The following DNAH3 variants were observed in gnomAD, a reference collection of about 807,000 sequenced individuals.
DNAH3 encodes axonemal beta dynein heavy chain 3.
In DNAH3, 332 loss-of-function variants were observed where a neutral mutation model predicts 432.5. The observed-to-expected ratio is 0.77, with a 90% confidence interval of 0.70 to 0.84. The LOEUF is 0.84. Among genes scored for constraint, DNAH3 ranks in the 40% least tolerant of loss-of-function variants. The pLI is 0.00. For missense variants in DNAH3, 4,861 were observed against 5,114.0 expected, an observed-to-expected ratio of 0.95 and a Z score of 1.51; for synonymous variants, 1,956 against 1,900.2, an observed-to-expected ratio of 1.03 and a Z score of -0.76.
At chr16:20,942,220 G>C (rs1397214064) in intron 58 of DNAH3, among the ~76,000 whole-genome samples, 1 of 152,210 alleles carries the variant, frequency 6.6e-6, no homozygotes, top group African/African-American at 2.4e-5. Flanking sequence ...CACAGCCTCT[G>C]ACCCCTGAGG....
intron 51 of DNAH3, among the ~76,000 whole-genome samples, chr16:20,972,060 G>A (rs377522410): frequency 1.3e-5 from 2 of 152,294 alleles, no homozygotes; most frequent in East Asian, 3.9e-4. Flanking sequence ...CAGTGAGTGC[G>A]AGTGGGTGGG....
rs1042623171 is a variant in DNAH3 at position 21,098,697 on chromosome 16, C to T, written c.2439G>A (p.Met813Ile). 2.5e-6 allele frequency: 4 copies of T among 1,613,856 alleles called. No homozygotes were observed. In the African/African-American group the frequency reaches 5.3e-5, roughly 22 times the overall value. ...CATTGTGCTTCATTTCTTCTGTAGT[C>T]ATCACTTCGCGCTTCCTAAAACTTT... Residue 813 changes from methionine (M) to isoleucine (I), a missense_variant, in exon 17 of 62, where the codon ATG becomes ATA. Coordinates refer to ENST00000261383, the Ensembl canonical transcript of DNAH3.
At chr16:21,057,360 C>A (rs1427385078) in intron 27 of DNAH3, among the ~76,000 whole-genome samples, 2 of 152,230 alleles carry the variant, frequency 1.3e-5, no homozygotes, top group Non-Finnish European at 2.9e-5. Flanking sequence ...GTGAGCAGAG[C>A]AGACATAGCT....
chr16:21,075,371 A>G, intron 21 of DNAH3, 76 bp downstream of exon 21: 1 of 1,023,856 alleles, frequency 9.8e-7, no homozygotes, highest in Admixed American at 1.7e-5. Flanking sequence ...GCCATTCTGA[A>G]TGAATCGTTT....
At chr16:20,996,063 G>GTC (rs1408503562) in intron 44 of DNAH3, among the ~76,000 whole-genome samples, 4 of 152,332 alleles carry the variant, frequency 2.6e-5, no homozygotes, top group Admixed American at 2.0e-4. Context: ...TAGCTTTGTT[G>GTC]TAAGTGTTGT....
At chr16:21,093,000 G>A (rs2091582695) in intron 18 of DNAH3, among the ~76,000 whole-genome samples, 1 of 152,164 alleles carries the variant, frequency 6.6e-6, no homozygotes, top group South Asian at 2.1e-4. Flanking sequence ...CTTGAGCCCA[G>A]GAATCTGAGG....
rs576811217 is a variant in DNAH3 at position 20,935,840 on chromosome 16, T to C, written c.11860-355A>G. ...CCTGAGTGACAAGAGTGAAACTTCA[T>C]CTCAAAAAAAAAAAAAAAAGCCCAG... On this transcript the variant is annotated intron_variant, in intron 60 of 61. Coordinates refer to ENST00000261383, the Ensembl canonical transcript of DNAH3. Among the ~76,000 whole-genome samples, 3 of 136,102 alleles carry C rather than the reference T, an allele frequency of 2.2e-5. No individual in the cohort carries two copies. The South Asian group carries it at 7.3e-4, about 33-fold the overall frequency. The allele number at this position is 136,102 out of a possible 152,430, so 89.3% of individuals were successfully genotyped here.
At chr16:20,979,638 G>T in intron 49 of DNAH3, 92 bp from the exon 50 acceptor site, 1 of 1,131,486 alleles carries the variant, frequency 8.8e-7, no homozygotes, top group Non-Finnish European at 1.3e-6. Flanking sequence ...ATATGAGAAG[G>T]CACATACACT....
At chr16:20,977,611 T>C (rs533853043) in intron 50 of DNAH3, among the ~76,000 whole-genome samples, 20 of 152,094 alleles carry the variant, frequency 1.3e-4, no homozygotes, top group Non-Finnish European at 2.8e-4. Context: ...GTTAGGAACA[T>C]AGGTTTTGGA....
chr16:21,131,722 C>T (rs767560181), intron 7 of DNAH3, among the ~76,000 whole-genome samples: 3 of 151,844 alleles, frequency 2.0e-5, no homozygotes, highest in Non-Finnish European at 4.4e-5. Context: ...GGCATGGTGG[C>T]ACATGCCTGT....
intron 29 of DNAH3, among the ~76,000 whole-genome samples, chr16:21,051,306 G>A (rs183774053): frequency 2.1e-4 from 32 of 152,290 alleles, no homozygotes; most frequent in African/African-American, 7.7e-4. Flanking sequence ...AGAGCATAGA[G>A]ACCCCTTGGC....
At chr16:21,107,239 CTTTT>C (rs5816146) in intron 14 of DNAH3, among the ~76,000 whole-genome samples, 3 of 91,296 alleles carry the variant, frequency 3.3e-5, no homozygotes, top group African/African-American at 4.0e-5. Context: ...AATTTTTAAT[CTTTT>C]TTTTTTTTTT....
chr16:20,989,003 G>A (rs1039594789), intron 44 of DNAH3, among the ~76,000 whole-genome samples: 1 of 152,272 alleles, frequency 6.6e-6, no homozygotes, highest in East Asian at 1.9e-4. Flanking sequence ...CGCGGGGAGT[G>A]TTACAGCTCA....
chr16:20,940,453 GT>G (rs567346363), intron 59 of DNAH3, among the ~76,000 whole-genome samples: 2 of 152,018 alleles, frequency 1.3e-5, no homozygotes, highest in Non-Finnish European at 2.9e-5. Flanking sequence ...AAGGGATAGG[GT>G]CTTTCTCTGT....
chr16:21,086,864 G>A, exon 19 of DNAH3: 1 of 1,614,146 alleles, frequency 6.2e-7, no homozygotes, highest in South Asian at 1.1e-5. Context: ...GCCAGTGTCG[G>A]TCTTTCATTC....
At chr16:21,054,452 G>A in exon 28 of DNAH3, 1 of 1,614,150 alleles carries the variant, frequency 6.2e-7, no homozygotes, top group Non-Finnish European at 8.5e-7. Context: ...GGCCCCGAGA[G>A]TGAGTCGAGC....
rs141197402 is a variant in DNAH3 at position 20,965,287 on chromosome 16, T to C, written c.8597A>G (p.His2866Arg). 1,539 of 1,613,442 alleles carry C rather than the reference T, an allele frequency of 9.5e-4. 15 individuals are homozygous for C. In the African/African-American group the frequency reaches 0.017, roughly 18 times the overall value. Residue 2866 changes from histidine (H) to arginine (R), a missense_variant, in exon 53 of 62, where the codon CAC (histidine) becomes CGC (arginine). By Grantham distance (29) the His-to-Arg change is conservative. Transcript: ENST00000261383. Reference sequence around the variant, plus strand: ...AATGACAGCTGGCTGGAATTCCGGGTGATTGATAAACCTTTCCCGGATCCG... The same window carrying C: ...AATGACAGCTGGCTGGAATTCCGGGCGATTGATAAACCTTTCCCGGATCCG...
intron 31 of DNAH3, among the ~76,000 whole-genome samples, chr16:21,042,995 A>G (rs1415357325): frequency 6.6e-6 from 1 of 152,220 alleles, no homozygotes; most frequent in East Asian, 1.9e-4. Context: ...TACAAAGGAC[A>G]TGAACTCATC....
At chr16:20,987,663 G>A in intron 46 of DNAH3, 30 bp downstream of exon 46, 1 of 1,609,386 alleles carries the variant, frequency 6.2e-7, no homozygotes, top group Non-Finnish European at 8.5e-7. Flanking sequence ...TATGCTGAAT[G>A]ATCTTGGTAG....
Sources: gnomAD v4.1 joint callset for allele counts (sites outside exome capture counted in the v4.1 genomes callset) on GRCh38, gnomAD v4.1.1 for gene constraint, MANE v1.5 for transcripts, NCBI Gene and HGNC (gene_info 2026-07-23, HGNC 2026-07-21) for gene names.